Variants in SAMD5 observed in about 807,000 individuals in gnomAD.
SAMD5 encodes sterile alpha motif domain containing 5, also known as sterile alpha motif domain-containing protein 5.
A neutral mutation model predicts 11.3 loss-of-function variants in SAMD5; 13 were observed. The observed-to-expected ratio is 1.15, with a 90% CI of 0.75 to 1.83. The LOEUF (loss-of-function observed/expected upper bound fraction) is 1.83, where lower values mean the gene tolerates loss of function less well. Among genes scored for constraint, SAMD5 ranks in the 40% most tolerant of loss-of-function variants. The probability of loss-of-function intolerance (pLI) is 0.00; values close to 1 mark genes in which losing one functional copy is unlikely to be tolerated. For synonymous variants in SAMD5, 129 were observed against 111.3 expected (o/e 1.16, Z -1.00); for missense variants, 255 against 239.1 (o/e 1.07, Z -0.44).
At chr6:147,856,052 A>T in the SAMD5 span, among the ~76,000 whole-genome samples, 1 of 152,364 alleles carries the variant, frequency 6.6e-6, no homozygotes, top group Middle Eastern at 3.4e-3. Context: ...TGAATACATG[A>T]GTAAACTATG....
chr6:147,915,888 C>T, the SAMD5 span, among the ~76,000 whole-genome samples: 1 of 149,246 alleles, frequency 6.7e-6, no homozygotes, highest in South Asian at 2.2e-4. Context: ...TCTCCTAATG[C>T]TATCCCTCCC....
At chr6:147,689,700 A>C (rs1791072109) in intron 1 of SAMD5, among the ~76,000 whole-genome samples, 1 of 152,218 alleles carries the variant, frequency 6.6e-6, no homozygotes, top group Admixed American at 6.5e-5. Context: ...TAGGAAAACA[A>C]TCACTTATTG....
the SAMD5 span, among the ~76,000 whole-genome samples, chr6:147,886,431 G>A: frequency 6.6e-6 from 1 of 151,886 alleles, no homozygotes; most frequent in African/African-American, 2.4e-5. Flanking sequence ...ATGAAGAAGA[G>A]GAGAGAGAAA....
chr6:147,899,166 GTC>G, the SAMD5 span, among the ~76,000 whole-genome samples: 2 of 59,090 alleles, frequency 3.4e-5, no homozygotes, highest in African/African-American at 1.6e-4. Flanking sequence ...GCGAGACTCT[GTC>G]TCAAAAAAAA....
chr6:147,940,224 A>G, the SAMD5 span, among the ~76,000 whole-genome samples: 4,655 of 148,638 alleles, frequency 0.031, 101 homozygotes, highest in Admixed American at 0.048. Flanking sequence ...TTTTTTTGCA[A>G]CAGTAGGAAT....
Position 147,737,243 on chromosome 6 carries a change from T to C in SAMD5, c.163-74T>C, listed in dbSNP as rs543825641. The C allele has an allele frequency of 3.4e-6, 3 of 882,446 alleles. No individual in the cohort carries two copies. The African/African-American group carries it at 5.2e-5, about 15-fold the overall frequency. 54.7% of individuals were successfully genotyped at this position (882,446 alleles called of 1,614,324 possible). A position where few individuals can be genotyped will look rare whatever the true frequency, so the allele number is the denominator to read the frequency against. ...GGAAGGGTGAGTTTTCAGTTCCCCC[T>C]TCACCGTGCTTTTTCACTATGATTT... is the stretch of plus-strand genomic sequence containing the variant. On this transcript the variant is annotated intron_variant, in intron 1 of 1. Coordinates refer to the SAMD5 transcript ENST00000566741.
At chr6:147,571,020 T>C (rs912513588), downstream of SAMD5, among the ~76,000 whole-genome samples, 3 of 152,214 alleles carry the variant, frequency 2.0e-5, no homozygotes, top group Non-Finnish European at 4.4e-5. Context: ...ATGGACTTAG[T>C]TTGAACTTAG....
chr6:147,721,397 G>C (rs998217917), intron 1 of SAMD5, among the ~76,000 whole-genome samples: 35 of 152,096 alleles, frequency 2.3e-4, no homozygotes, highest in Non-Finnish European at 4.6e-4. Flanking sequence ...CATTCTAACT[G>C]GTGTGAGATG....
At chr6:147,730,074 C>CTAAAA in intron 1 of SAMD5, 1 of 305,112 alleles carries the variant, frequency 3.3e-6, no homozygotes, top group South Asian at 2.4e-5. Context: ...GACTCTGTCT[C>CTAAAA]AAAAAAAAAA....
chr6:147,509,417 G>T lies in SAMD5; in HGVS notation c.459+30G>T, dbSNP rs1438698392. 2.7e-6 allele frequency: 4 copies of T among 1,494,938 alleles called. No individual in the cohort carries two copies. The East Asian group carries it at 8.6e-5, about 32-fold the overall frequency. The allele number at this position is 1,494,938 out of a possible 1,614,324, so 92.6% of individuals were successfully genotyped here. A position where few individuals can be genotyped will look rare whatever the true frequency, so the allele number is the denominator to read the frequency against. On this transcript the variant is annotated intron_variant, in intron 1 of 1. Transcript: ENST00000367474. ...GGAGGTGCCGTCCGGGCGGCCCGGG[G>T]CGCGCGGCGGGAGGGGACACAGCCC...
At position 147,529,145 on chromosome 6, in the gene SAMD5, G is replaced by A. The variant is rs573219406; in HGVS notation, c.459+19758G>A. On this transcript the variant is annotated intron_variant, in intron 1 of 1. Coordinates refer to ENST00000367474, the MANE Select transcript of SAMD5 (RefSeq NM_001030060.3). ...CACTTAGTAAACTATTATGTATTCAGTGTTAGCTTTTATTAAAGATGAAAA... is the reference window on the plus strand; with the variant it reads ...CACTTAGTAAACTATTATGTATTCAATGTTAGCTTTTATTAAAGATGAAAA... 5.9e-5 allele frequency among the ~76,000 whole-genome samples: 9 copies of A among 152,278 alleles called. No individual in the cohort carries two copies. In the East Asian group the frequency reaches 1.7e-3, roughly 29 times the overall value.
intron 1 of SAMD5, among the ~76,000 whole-genome samples, chr6:147,699,150 G>T: frequency 6.6e-6 from 1 of 152,074 alleles, no homozygotes; most frequent in Non-Finnish European, 1.5e-5. Flanking sequence ...CTTGTTTAGC[G>T]GACCTTCCCC....
the SAMD5 span, among the ~76,000 whole-genome samples, chr6:147,937,454 A>G: frequency 1.2e-4 from 18 of 152,290 alleles, no homozygotes; most frequent in Non-Finnish European, 2.2e-4. Context: ...ACCAACTTAG[A>G]TAGGGACTCT....
chr6:147,919,582 A>G, the SAMD5 span, among the ~76,000 whole-genome samples: 1 of 152,218 alleles, frequency 6.6e-6, no homozygotes, highest in African/African-American at 2.4e-5. Context: ...TTCATGTTAA[A>G]TACCTGCTTT....
At chr6:147,951,365 A>G in the SAMD5 span, among the ~76,000 whole-genome samples, 1 of 151,892 alleles carries the variant, frequency 6.6e-6, no homozygotes, top group East Asian at 1.9e-4. Flanking sequence ...TATTTTTAGT[A>G]GAGACTGGGT....
the SAMD5 span, among the ~76,000 whole-genome samples, chr6:147,796,123 A>G: frequency 3.4e-5 from 5 of 149,120 alleles, no homozygotes; most frequent in Non-Finnish European, 5.9e-5. Context: ...TTGGTGTTTT[A>G]GACATGAAGT....
chr6:147,711,438 C>T lies in SAMD5; in HGVS notation c.163-25879C>T, dbSNP rs547431714. ...CACCACAGTCTTGATCAAGCCAGGCCGCTCTAATTCTCAGCTGCTTCTCAT... is the reference window on the plus strand; with the variant it reads ...CACCACAGTCTTGATCAAGCCAGGCTGCTCTAATTCTCAGCTGCTTCTCAT... On this transcript the variant is annotated intron_variant, in intron 1 of 1. Transcript: ENST00000566741. The surrounding 1 kb of genome is among the most constrained non-coding windows in gnomAD (Gnocchi z 4.1). Among the ~76,000 whole-genome samples, 6 of 152,140 alleles carry T rather than the reference C, an allele frequency of 3.9e-5. No individual in the cohort carries two copies. Among genetic ancestry groups the T allele is most frequent in the Admixed American group, 2.0e-4 (3 of 15,278 alleles).
At position 147,592,022 on chromosome 6, in the gene SAMD5, A is replaced by G. The variant is rs561253626; in HGVS notation, c.162+82635A>G. Among the ~76,000 whole-genome samples, 4 of 152,254 alleles carry G rather than the reference A, an allele frequency of 2.6e-5. No individual in the cohort carries two copies. The South Asian group carries it at 6.2e-4, about 24-fold the overall frequency. On this transcript the variant is annotated intron_variant, in intron 1 of 1. Coordinates refer to the SAMD5 transcript ENST00000566741. ...ATCAGAGTTAGTGCTGGAAAGTAGT[A>G]GAGAATTTTGCTCTCTCCTGAGGCC...
intron 1 of SAMD5, among the ~76,000 whole-genome samples, chr6:147,626,071 C>A (rs145510670): frequency 6.6e-6 from 1 of 152,034 alleles, no homozygotes; most frequent in Non-Finnish European, 1.5e-5. Context: ...ATAGGAAAAG[C>A]TTTTGCTTTC....
Sources: allele counts gnomAD v4.1 joint callset (sites outside exome capture counted in the v4.1 genomes callset), GRCh38; gene constraint gnomAD v4.1.1; non-coding constraint Gnocchi (gnomAD v3.1); transcripts MANE v1.5; gene names NCBI Gene and HGNC (gene_info 2026-07-23, HGNC 2026-07-21).